KIAA1217: variants seen among roughly 807,000 people sequenced by gnomAD.
KIAA1217 encodes sickle tail protein homolog.
KIAA1217 carries 88 observed loss-of-function variants against 163.9 expected under a neutral mutation model. The observed-to-expected ratio is 0.54, with a 90% CI of 0.45 to 0.64. The LOEUF is 0.64. KIAA1217 is among the 30% of genes least tolerant of loss of function. The probability of loss-of-function intolerance (pLI) is 0.00; values close to 1 mark genes in which losing one functional copy is unlikely to be tolerated. For missense variants in KIAA1217, 2,372 were observed against 2,475.0 expected, an observed-to-expected ratio of 0.96 and a Z score of 0.88; for synonymous variants, 903 against 923.1, an observed-to-expected ratio of 0.98 and a Z score of 0.39.
At chr10:23,862,864 A>G (rs1840019935) in intron 1 of KIAA1217, among the ~76,000 whole-genome samples, 1 of 152,152 alleles carries the variant, frequency 6.6e-6, no homozygotes, top group Non-Finnish European at 1.5e-5. Flanking sequence ...TTGATGCTAC[A>G]TTCCTTGAAA....
chr10:23,705,233 T>G (rs1836810628), intron 1 of KIAA1217, among the ~76,000 whole-genome samples: 1 of 152,168 alleles, frequency 6.6e-6, no homozygotes, highest in Middle Eastern at 3.2e-3. Context: ...GGTTTTCTTT[T>G]CAGTTTCCTG....
intron 1 of KIAA1217, among the ~76,000 whole-genome samples, chr10:23,742,350 G>A (rs1459658266): frequency 2.6e-5 from 4 of 152,168 alleles, no homozygotes; most frequent in Admixed American, 2.6e-4. Flanking sequence ...TTCAGGAGAA[G>A]GGGGTTGTGT....
At chr10:23,816,375 C>A (rs979271479) in intron 1 of KIAA1217, among the ~76,000 whole-genome samples, 1 of 152,116 alleles carries the variant, frequency 6.6e-6, no homozygotes. Context: ...TCACTGCAAC[C>A]TCCACCTCCT....
At chr10:24,265,623 C>T (rs1207753130) in intron 2 of KIAA1217, among the ~76,000 whole-genome samples, 1 of 152,110 alleles carries the variant, frequency 6.6e-6, no homozygotes, top group East Asian at 1.9e-4. Context: ...TTGTCTCTCC[C>T]ATCTTCATGT....
chr10:24,315,707 G>A (rs765889922), intron 2 of KIAA1217, among the ~76,000 whole-genome samples: 1 of 151,560 alleles, frequency 6.6e-6, no homozygotes, highest in Non-Finnish European at 1.5e-5. Flanking sequence ...AGCTGTGATC[G>A]TGCCACTGCA....
intron 2 of KIAA1217, among the ~76,000 whole-genome samples, chr10:24,310,429 G>T (rs1230287111): frequency 1.3e-5 from 2 of 152,222 alleles, no homozygotes; most frequent in Admixed American, 1.3e-4. Context: ...AAAGCCTTAG[G>T]AACAAAGATG....
chr10:24,436,449 C>T (rs1185480010), intron 4 of KIAA1217, among the ~76,000 whole-genome samples: 1 of 141,990 alleles, frequency 7.0e-6, no homozygotes, highest in Non-Finnish European at 1.5e-5. Flanking sequence ...TTTTCACCAC[C>T]AGCATTATAT....
intron 1 of KIAA1217, among the ~76,000 whole-genome samples, chr10:23,812,130 G>A (rs954919220): frequency 1.4e-4 from 21 of 152,044 alleles, no homozygotes; most frequent in Non-Finnish European, 2.9e-4. Context: ...AGATATTATG[G>A]GAAACCCAGC....
chr10:24,212,703 C>T (rs114590215), intron 1 of KIAA1217, among the ~76,000 whole-genome samples: 14 of 152,280 alleles, frequency 9.2e-5, no homozygotes, highest in African/African-American at 3.4e-4. Flanking sequence ...GCTAACATCA[C>T]CCATAACGTT....
chr10:23,818,905 A>T (rs1029388158), intron 1 of KIAA1217, among the ~76,000 whole-genome samples: 1 of 152,216 alleles, frequency 6.6e-6, no homozygotes, highest in African/African-American at 2.4e-5. Flanking sequence ...CTTAGTCTCA[A>T]CAAAACAAAG....
chr10:23,781,558 C>T (rs1474544471), intron 1 of KIAA1217, among the ~76,000 whole-genome samples: 1 of 152,152 alleles, frequency 6.6e-6, no homozygotes, highest in Admixed American at 6.6e-5. Flanking sequence ...TGTTGATTGT[C>T]CCCTTTGCTG....
chr10:24,460,520 A>C (rs887202712), intron 5 of KIAA1217, among the ~76,000 whole-genome samples: 4 of 152,110 alleles, frequency 2.6e-5, no homozygotes, highest in Non-Finnish European at 5.9e-5. Context: ...TCTGTGAATT[A>C]CTGTCTTTCG....
chr10:23,725,957 G>A (rs948868471), intron 1 of KIAA1217, among the ~76,000 whole-genome samples: 10 of 152,126 alleles, frequency 6.6e-5, no homozygotes, highest in African/African-American at 2.4e-4. Flanking sequence ...TAAACTTGAT[G>A]TAATTTCTTA....
intron 1 of KIAA1217, among the ~76,000 whole-genome samples, chr10:23,700,823 T>C (rs1483372203): frequency 6.6e-6 from 1 of 152,250 alleles, no homozygotes; most frequent in Non-Finnish European, 1.5e-5. Flanking sequence ...TAATTTCCCT[T>C]TTAGCTCTTT....
intron 2 of KIAA1217, among the ~76,000 whole-genome samples, chr10:24,097,427 C>T (rs140989731): frequency 6.6e-4 from 100 of 152,180 alleles, no homozygotes; most frequent in African/African-American, 2.0e-3. Context: ...GTGGCTTATG[C>T]CTGTAGTCCC....
intron 1 of KIAA1217, among the ~76,000 whole-genome samples, chr10:24,000,822 G>C (rs895904992): frequency 6.6e-6 from 1 of 152,234 alleles, no homozygotes; most frequent in Non-Finnish European, 1.5e-5. Context: ...CCCAGGTCGA[G>C]CACTGCTCGC....
At chr10:24,212,844 G>A (rs1163751571) in intron 1 of KIAA1217, among the ~76,000 whole-genome samples, 3 of 152,126 alleles carry the variant, frequency 2.0e-5, no homozygotes, top group Admixed American at 6.5e-5. Flanking sequence ...ACAGAGCACT[G>A]GGCAACCTAA....
chr10:24,496,852 A>ATATATT (rs1185510102), intron 8 of KIAA1217, among the ~76,000 whole-genome samples: 1 of 152,212 alleles, frequency 6.6e-6, no homozygotes, highest in Non-Finnish European at 1.5e-5. Flanking sequence ...TGGGGAAAGG[A>ATATATT]GCCAGTGTCA....
chr10:24,278,654 GATGAGTAACCTA>G (rs2077564337), intron 2 of KIAA1217, among the ~76,000 whole-genome samples: 1 of 152,120 alleles, frequency 6.6e-6, no homozygotes, highest in Non-Finnish European at 1.5e-5. Flanking sequence ...GAATGAAAGA[GATGAGTAACCTA>G]ATGTGTGCTG....
Sources: gnomAD v4.1 joint callset for allele counts (sites outside exome capture counted in the v4.1 genomes callset) on GRCh38, gnomAD v4.1.1 for gene constraint, MANE v1.5 for transcripts, NCBI Gene and HGNC (gene_info 2026-07-23, HGNC 2026-07-21) for gene names.